Variants in SENP1 observed in about 807,000 individuals in gnomAD.
The protein encoded by SENP1 is sentrin-specific protease 1.
A neutral mutation model predicts 93.0 loss-of-function variants in SENP1; 21 were observed. That is an observed-to-expected ratio of 0.23 (90% CI 0.16 to 0.33). The LOEUF (loss-of-function observed/expected upper bound fraction) is 0.33. Ranked by LOEUF, SENP1 falls within the 10% of genes least tolerant of loss-of-function variation. The probability of loss-of-function intolerance (pLI) is 1.00; values close to 1 mark genes in which losing one functional copy is unlikely to be tolerated. For missense variants in SENP1, 591 were observed against 758.7 expected (o/e 0.78, Z 2.60); for synonymous variants, 256 against 259.6 (o/e 0.99, Z 0.13).
chr12:48,055,070 C>A, intron 13 of SENP1: 1 of 223,590 alleles, frequency 4.5e-6, no homozygotes, highest in East Asian at 1.1e-4. Flanking sequence ...TTAGGTGCTT[C>A]ATTCAACCAG....
chr12:48,071,857 A>G, intron 8 of SENP1, 136 bp from the exon 9 acceptor site: 1 of 475,328 alleles, frequency 2.1e-6, no homozygotes, highest in Non-Finnish European at 3.8e-6. Flanking sequence ...GTTAGATGGG[A>G]GAGAGAGAGA....
At chr12:48,063,022 C>T (rs912401431) in intron 13 of SENP1, among the ~76,000 whole-genome samples, 2 of 152,126 alleles carry the variant, frequency 1.3e-5, no homozygotes, top group Non-Finnish European at 2.9e-5. Context: ...AAAAGATACC[C>T]AACCCAGTTT....
chr12:48,069,819 C>G (rs567280764), intron 9 of SENP1, among the ~76,000 whole-genome samples: 118 of 152,104 alleles, frequency 7.8e-4, no homozygotes, highest in African/African-American at 2.8e-3. Flanking sequence ...ATGAAGTCTC[C>G]CCAAAAGACT....
intron 17 of SENP1, 102 bp from the exon 18 acceptor site, chr12:48,045,486 C>A: frequency 1.1e-6 from 1 of 908,048 alleles, no homozygotes; most frequent in South Asian, 1.5e-5. Flanking sequence ...AACAAACAGT[C>A]TCAGTTGTAT....
rs377231757 is a variant in SENP1 at position 48,096,323 on chromosome 12, C to T, written c.220+20G>A. The T allele has an allele frequency of 7.2e-5, 105 of 1,455,326 alleles. No homozygotes were observed. Among genetic ancestry groups the T allele is most frequent in the Non-Finnish European group, 9.7e-5 (101 of 1,041,934 alleles). 90.2% of individuals were successfully genotyped at this position (1,455,326 alleles called of 1,614,324 possible). On this transcript the variant is annotated intron_variant, in intron 4 of 17. Transcript: ENST00000549518. ...ATCCAAAAGGTATAAAGTCCCTTGA[C>T]TCCAAGTAATGTGTCATACCTGAGT...
chr12:48,046,854 A>C, intron 16 of SENP1, 124 bp downstream of exon 16: 1 of 644,836 alleles, frequency 1.6e-6, no homozygotes, highest in African/African-American at 1.8e-5. Flanking sequence ...CCCAGAAACC[A>C]ACCAACCAAG....
chr12:48,054,732 G>C (rs1417972710), intron 13 of SENP1: 2 of 152,276 alleles, frequency 1.3e-5, no homozygotes, highest in Non-Finnish European at 2.9e-5. Flanking sequence ...TGAGGTTGCA[G>C]TGAGCCAAGA....
At chr12:48,080,444 G>C (rs1310682341) in intron 6 of SENP1, 1 of 152,294 alleles carries the variant, frequency 6.6e-6, no homozygotes, top group Non-Finnish European at 1.5e-5. Flanking sequence ...TTGTAAGACT[G>C]AGCAGTGCAG....
intron 9 of SENP1, among the ~76,000 whole-genome samples, chr12:48,068,226 A>G (rs1298355468): frequency 6.6e-6 from 1 of 152,096 alleles, no homozygotes; most frequent in African/African-American, 2.4e-5. Flanking sequence ...AGTTTTCTTC[A>G]ATGGATCAAG....
rs1307533113 is a variant in SENP1 at position 48,043,375 on chromosome 12, C to T, written c.*1947G>A. 6.6e-6 allele frequency: 1 copy of T among 152,534 alleles called. No individual in the cohort carries two copies. Among genetic ancestry groups the T allele is most frequent in the East Asian group, 1.9e-4 (1 of 5,198 alleles). 9.4% of individuals were successfully genotyped at this position (152,534 alleles called of 1,614,324 possible). A position where few individuals can be genotyped will look rare whatever the true frequency, so the allele number is the denominator to read the frequency against. ...CAGAGAACAATCTTGTTCTGAGTCC[C>T]CCAGACAATAGTGAAAGAACCTGAA... On this transcript the variant is annotated 3_prime_UTR_variant, in exon 18 of 18. Coordinates refer to ENST00000549518, the MANE Select transcript of SENP1 (RefSeq NM_001267594.2).
rs1325628721 is a variant in SENP1 at position 48,088,972 on chromosome 12, A to C, written c.221-12T>G. 2 of 1,573,776 alleles carry C rather than the reference A, an allele frequency of 1.3e-6. No individual in the cohort carries two copies. Among genetic ancestry groups the C allele is most frequent in the Non-Finnish European group, 1.7e-6 (2 of 1,161,812 alleles). On this transcript the variant is annotated splice_polypyrimidine_tract_variant and intron_variant, in intron 4 of 17. Transcript: ENST00000549518. ...TGAGGAAGGATTATCTAAAAAAATA[A>C]AAGTTTGAATAAATTAAACAAATTC...
chr12:48,078,317 T>TTATATATATATATATATATATATATA (rs370021236), intron 6 of SENP1, among the ~76,000 whole-genome samples: 2,885 of 69,686 alleles, frequency 0.041, 292 homozygotes, highest in South Asian at 0.062. Context: ...CTGTAGGATT[T>TTATATATATATATATATATATATATA]TATATATATA....
At position 48,050,397 on chromosome 12, in the gene SENP1, A is replaced by C. The variant is rs1005227640; in HGVS notation, c.1408-1265T>G. On this transcript the variant is annotated intron_variant, in intron 13 of 17. Coordinates refer to ENST00000549518, the MANE Select transcript of SENP1 (RefSeq NM_001267594.2). ...CCAGAGAAAGGGCCTATAGATGAGG[A>C]TGCCTAGGCAGCTGCGGGAAAACCA... 1.1e-4 allele frequency among the ~76,000 whole-genome samples: 16 copies of C among 152,316 alleles called. No homozygotes were observed. In the East Asian group the frequency reaches 3.1e-3, roughly 29 times the overall value.
At chr12:48,057,941 CTTTTTTTTTTTT>C (rs370210767) in intron 13 of SENP1, among the ~76,000 whole-genome samples, 1 of 85,690 alleles carries the variant, frequency 1.2e-5, no homozygotes, top group South Asian at 4.6e-4. Flanking sequence ...TTTATTTCCT[CTTTTTTTTTTTT>C]TTTTTTTTTT....
chr12:48,054,876 G>A (rs1942105522), intron 13 of SENP1: 1 of 152,512 alleles, frequency 6.6e-6, no homozygotes, highest in Admixed American at 6.5e-5. Context: ...ATGTAATACA[G>A]ATATAACATA....
intron 17 of SENP1, among the ~76,000 whole-genome samples, chr12:48,046,010 C>T (rs1049673418): frequency 7.2e-5 from 11 of 152,148 alleles, no homozygotes; most frequent in African/African-American, 2.2e-4. Flanking sequence ...ATGGCCTATT[C>T]CCAAACCTGA....
chr12:48,057,941 C>CTTTTTTTTTTTTTTTTT (rs370210767), intron 13 of SENP1, among the ~76,000 whole-genome samples: 1 of 85,684 alleles, frequency 1.2e-5, no homozygotes, highest in Admixed American at 1.8e-4. Flanking sequence ...TTTATTTCCT[C>CTTTTTTTTTTTTTTTTT]TTTTTTTTTT....
intron 4 of SENP1, among the ~76,000 whole-genome samples, chr12:48,092,481 T>C (rs962552225): frequency 1.3e-5 from 2 of 152,188 alleles, no homozygotes; most frequent in African/African-American, 2.4e-5. Flanking sequence ...CAGATTTAAA[T>C]TCCTGATTTT....
chr12:48,078,725 T>C (rs1450293326), intron 6 of SENP1, among the ~76,000 whole-genome samples: 3 of 152,210 alleles, frequency 2.0e-5, no homozygotes, highest in Non-Finnish European at 4.4e-5. Context: ...AAAGAACACA[T>C]GTAACTTTTT....
Sources: gnomAD v4.1 joint callset for allele counts (sites outside exome capture counted in the v4.1 genomes callset) on GRCh38, gnomAD v4.1.1 for gene constraint, MANE v1.5 for transcripts, NCBI Gene and HGNC (gene_info 2026-07-23, HGNC 2026-07-21) for gene names.